Variants in KCNIP4 observed in about 807,000 individuals in gnomAD.
The protein encoded by KCNIP4 is Kv channel-interacting protein 4.
KCNIP4 carries 12 observed loss-of-function variants against 34.0 expected under a neutral mutation model. The observed-to-expected ratio is 0.35, with a 90% CI of 0.23 to 0.57. The LOEUF (loss-of-function observed/expected upper bound fraction) is 0.57, where lower values mean the gene tolerates loss of function less well. KCNIP4 is among the 20% of genes least tolerant of loss of function. The probability of loss-of-function intolerance (pLI) is 0.83; values close to 1 mark genes in which losing one functional copy is unlikely to be tolerated. For synonymous variants in KCNIP4, 124 were observed against 102.2 expected (o/e 1.21, Z -1.29); for missense variants, 238 against 311.7 (o/e 0.76, Z 1.78).
At chr4:21,291,631 T>C (rs915198868) in intron 1 of KCNIP4, among the ~76,000 whole-genome samples, 6 of 151,302 alleles carry the variant, frequency 4.0e-5, no homozygotes, top group Admixed American at 6.6e-5. Flanking sequence ...GGGTGGATCA[T>C]GAGGTCAGGA....
At chr4:20,868,741 G>T (rs987142701) in intron 2 of KCNIP4, among the ~76,000 whole-genome samples, 1 of 152,066 alleles carries the variant, frequency 6.6e-6, no homozygotes, top group African/African-American at 2.4e-5. Context: ...CATAGGAATA[G>T]AAAAACAAAT....
chr4:21,843,259 G>A (rs1249825007), intron 1 of KCNIP4: 1 of 151,904 alleles, frequency 6.6e-6, no homozygotes, highest in East Asian at 1.9e-4. Flanking sequence ...TTATATTACT[G>A]GGACTTTGTC....
chr4:21,602,612 ATTACATATAAT>A (rs975267193), intron 1 of KCNIP4, among the ~76,000 whole-genome samples: 6 of 152,180 alleles, frequency 3.9e-5, no homozygotes, highest in Non-Finnish European at 7.4e-5. Flanking sequence ...ATTCAAAGAA[ATTACATATAAT>A]TAATCCTTAT....
intron 1 of KCNIP4, among the ~76,000 whole-genome samples, chr4:21,043,991 G>A (rs1339163572): frequency 6.6e-6 from 1 of 152,032 alleles, no homozygotes; most frequent in East Asian, 1.9e-4. Context: ...AATACAATGG[G>A]ATTACAGCCC....
chr4:21,883,753 A>G (rs1340147479), intron 1 of KCNIP4, among the ~76,000 whole-genome samples: 1 of 151,952 alleles, frequency 6.6e-6, no homozygotes, highest in African/African-American at 2.4e-5. Flanking sequence ...AGGTCTTTCC[A>G]TAGTGTTTGT....
At chr4:21,332,618 C>T (rs1046688550) in intron 1 of KCNIP4, among the ~76,000 whole-genome samples, 7 of 151,952 alleles carry the variant, frequency 4.6e-5, no homozygotes, top group Admixed American at 3.9e-4. Flanking sequence ...TTTCTATCTC[C>T]ACTCTCATCC....
chr4:21,756,319 G>A (rs1216138481), intron 1 of KCNIP4, among the ~76,000 whole-genome samples: 1 of 152,136 alleles, frequency 6.6e-6, no homozygotes, highest in Non-Finnish European at 1.5e-5. Context: ...ACTTTGGGAG[G>A]CTGAGGCGGG....
rs183514874 is a variant in KCNIP4 at position 21,601,424 on chromosome 4, G to T, written c.61+347147C>A. Among the ~76,000 whole-genome samples the T allele has an allele frequency of 3.5e-3, 527 of 152,022 alleles. 5 individuals are homozygous for T. Among genetic ancestry groups the T allele is most frequent in the Middle Eastern group, 0.014 (4 of 294 alleles). On this transcript the variant is annotated intron_variant, in intron 1 of 8. Coordinates refer to ENST00000382152, the MANE Select transcript of KCNIP4 (RefSeq NM_025221.6). ...GTACTTACAGTGTCCCAAATATGCT[G>T]TTCTGCTTCTGGCCTCGACCACTCC...
At chr4:21,107,579 G>A (rs1748691465) in intron 1 of KCNIP4, among the ~76,000 whole-genome samples, 1 of 147,938 alleles carries the variant, frequency 6.8e-6, no homozygotes. Flanking sequence ...TCTTTTAATT[G>A]GAGCATTTAG....
At chr4:20,907,801 T>C (rs534493204) in intron 1 of KCNIP4, among the ~76,000 whole-genome samples, 79 of 152,162 alleles carry the variant, frequency 5.2e-4, no homozygotes, top group African/African-American at 1.8e-3. Flanking sequence ...CACTGCAAGC[T>C]CCGCCTCCCG....
chr4:20,866,426 A>G (rs1488920231), intron 2 of KCNIP4, among the ~76,000 whole-genome samples: 1 of 152,128 alleles, frequency 6.6e-6, no homozygotes, highest in African/African-American at 2.4e-5. Context: ...ATCTCTATAG[A>G]CACAGAAAAA....
rs10539950 is a variant in KCNIP4 at position 21,647,863 on chromosome 4, CTTTTTTTT to C, written c.61+300700_61+300707del. ...TGGAAGACATTCTGCTACAATGATGCTTTTTTTTTTTTTTTTTTTTTTTTTTTTTAGAC... is the reference window on the plus strand; with the variant it reads ...TGGAAGACATTCTGCTACAATGATGCTTTTTTTTTTTTTTTTTTTTTAGAC... On this transcript the variant is annotated intron_variant, in intron 1 of 8. Coordinates refer to ENST00000382152, the MANE Select transcript of KCNIP4 (RefSeq NM_025221.6). Among the ~76,000 whole-genome samples, 53 of 60,196 alleles carry C rather than the reference CTTTTTTTT, an allele frequency of 8.8e-4. 1 individual carries two copies. In the South Asian group the frequency reaches 0.028, roughly 32 times the overall value. The allele number at this position is 60,196 out of a possible 152,430, so 39.5% of individuals were successfully genotyped here.
At chr4:20,900,442 C>A (rs1727042680) in intron 1 of KCNIP4, among the ~76,000 whole-genome samples, 2 of 152,204 alleles carry the variant, frequency 1.3e-5, no homozygotes, top group Non-Finnish European at 2.9e-5. Context: ...CAAGGCCTAG[C>A]ATTGACTGTT....
At position 21,293,378 on chromosome 4, in the gene KCNIP4, A is replaced by G. The variant is rs531433188; in HGVS notation, c.62-410669T>C. ...AAATGGTAAAGTCCATACTCTCTCC[A>G]CTCAGCCACGCTGTCAATCAGCCCC... On this transcript the variant is annotated intron_variant, in intron 1 of 8. Transcript: ENST00000382152. 3.9e-5 allele frequency among the ~76,000 whole-genome samples: 6 copies of G among 152,220 alleles called. No individual in the cohort carries two copies. The East Asian group carries it at 1.2e-3, about 29-fold the overall frequency.
At chr4:21,249,583 C>T (rs1393560710) in intron 1 of KCNIP4, among the ~76,000 whole-genome samples, 2 of 152,012 alleles carry the variant, frequency 1.3e-5, no homozygotes, top group South Asian at 2.1e-4. Context: ...CTGACAGTGT[C>T]CAGCACAGAG....
intron 1 of KCNIP4, among the ~76,000 whole-genome samples, chr4:21,300,525 A>G (rs1711554541): frequency 6.6e-6 from 1 of 152,168 alleles, no homozygotes; most frequent in South Asian, 2.1e-4. Flanking sequence ...GAATTACCAA[A>G]AAAGTTAATA....
intron 1 of KCNIP4, among the ~76,000 whole-genome samples, chr4:21,351,244 A>T (rs756940377): frequency 1.3e-5 from 2 of 152,108 alleles, no homozygotes; most frequent in Non-Finnish European, 2.9e-5. Context: ...TCCCCACCCA[A>T]ATCTCACCTT....
At chr4:20,839,110 G>A (rs577147796) in intron 3 of KCNIP4, among the ~76,000 whole-genome samples, 3 of 152,236 alleles carry the variant, frequency 2.0e-5, no homozygotes, top group Non-Finnish European at 4.4e-5. Flanking sequence ...ACAACTCTTT[G>A]TAGGGCTAAG....
intron 2 of KCNIP4, among the ~76,000 whole-genome samples, chr4:20,875,872 C>T (rs773418472): frequency 3.9e-5 from 6 of 152,156 alleles, no homozygotes; most frequent in Non-Finnish European, 7.4e-5. Flanking sequence ...GATCAATATG[C>T]TACCGGGAAA....
Sources: allele counts gnomAD v4.1 joint callset (sites outside exome capture counted in the v4.1 genomes callset), GRCh38; gene constraint gnomAD v4.1.1; transcripts MANE v1.5; gene names NCBI Gene and HGNC (gene_info 2026-07-23, HGNC 2026-07-21).